ITGA6: variants seen among roughly 807,000 people sequenced by gnomAD.
ITGA6 encodes the protein integrin subunit alpha 6.
A neutral mutation model predicts 133.6 loss-of-function variants in ITGA6; 63 were observed. The observed-to-expected ratio is 0.47, with a 90% confidence interval of 0.38 to 0.58. The LOEUF is 0.58. Ranked by LOEUF, ITGA6 falls within the 20% of genes least tolerant of loss-of-function variation. ITGA6 has a pLI of 0.00. For synonymous variants in ITGA6, 434 were observed against 482.0 expected (o/e 0.90, Z 1.30); for missense variants, 1,068 against 1,309.4 (o/e 0.82, Z 2.85).
intron 11 of ITGA6, chr2:172,481,011 G>A (rs1291863478): frequency 1.3e-5 from 2 of 152,174 alleles, no homozygotes; most frequent in Non-Finnish European, 2.9e-5. Flanking sequence ...GGAATTCCAA[G>A]AAAATCTTTT....
intron 1 of ITGA6, 84 bp downstream of exon 1, chr2:172,428,054 C>T (rs1193159929): frequency 7.0e-7 from 1 of 1,438,204 alleles, no homozygotes; most frequent in Admixed American, 2.3e-5. Context: ...TTCCCGCCGG[C>T]CCCGGGGAGT....
chr2:172,440,671 T>C (rs1246763747), intron 1 of ITGA6, among the ~76,000 whole-genome samples: 1 of 152,228 alleles, frequency 6.6e-6, no homozygotes, highest in Non-Finnish European at 1.5e-5. Context: ...ATTATGTGTT[T>C]TTCCAATCCG....
In ITGA6 at chr2:172,460,601, C is replaced by T. The variant is rs144339869; in HGVS notation, c.183-4938C>T. 2.6e-4 allele frequency among the ~76,000 whole-genome samples: 39 copies of T among 152,186 alleles called. No homozygotes were observed. The East Asian group carries it at 6.5e-3, about 26-fold the overall frequency. ...CAGAATGAAAAGTAAGAGGTTTGTCCGGAGTGTGGGGCTTGGGATGAGTTT... is the reference window on the plus strand; with the variant it reads ...CAGAATGAAAAGTAAGAGGTTTGTCTGGAGTGTGGGGCTTGGGATGAGTTT... On this transcript the variant is annotated intron_variant, in intron 1 of 25. Coordinates refer to ENST00000684293, the MANE Select transcript of ITGA6 (RefSeq NM_000210.4).
rs146325968 is a variant in ITGA6 at position 172,465,406 on chromosome 2, C to G, written c.183-133C>G. 1,371 of 1,066,468 alleles carry G rather than the reference C, an allele frequency of 1.3e-3. 7 individuals carry two copies. In the African/African-American group the frequency reaches 0.019, roughly 15 times the overall value. The allele number at this position is 1,066,468 out of a possible 1,614,324, so 66.1% of individuals were successfully genotyped here. A position where few individuals can be genotyped will look rare whatever the true frequency, so the allele number is the denominator to read the frequency against. The stretch of plus-strand genomic sequence containing the variant: ...ATAGGACTCTACATTTGTTCTCACT[C>G]ACTGCCTAAGCTGTTGAAGAATTAG... On this transcript the variant is annotated intron_variant, in intron 1 of 25. Transcript: ENST00000684293.
chr2:172,484,589 A>C (rs1686585542), intron 11 of ITGA6, among the ~76,000 whole-genome samples, 193 bp from the exon 12 acceptor site: 1 of 152,260 alleles, frequency 6.6e-6, no homozygotes, highest in Non-Finnish European at 1.5e-5. Flanking sequence ...AAACATTGTT[A>C]ACAGCAAAAG....
intron 1 of ITGA6, 141 bp downstream of exon 1, chr2:172,428,111 C>T: frequency 1.3e-6 from 1 of 744,142 alleles, no homozygotes; most frequent in Non-Finnish European, 1.8e-6. Context: ...GCACCCAGCG[C>T]CCAGCGCGCT....
At chr2:172,493,921 T>C (rs1454003601) in intron 23 of ITGA6, among the ~76,000 whole-genome samples, 1 of 152,210 alleles carries the variant, frequency 6.6e-6, no homozygotes, top group African/African-American at 2.4e-5. Flanking sequence ...TTCTTAGAGC[T>C]TGGAGAACTC....
At position 172,432,257 on chromosome 2, in the gene ITGA6, A is replaced by G. The variant is rs564538858; in HGVS notation, c.182+4287A>G. Among the ~76,000 whole-genome samples, 4 of 152,318 alleles carry G rather than the reference A, an allele frequency of 2.6e-5. No homozygotes were observed. The South Asian group carries it at 8.3e-4, about 32-fold the overall frequency. ...CCAGTTTAAAATTTCCCCATCCTAC[A>G]CTAAAGCAATGTCTTTAACTCCTTT... On this transcript the variant is annotated intron_variant, in intron 1 of 25. Coordinates refer to ENST00000684293, the MANE Select transcript of ITGA6 (RefSeq NM_000210.4).
intron 6 of ITGA6, 69 bp downstream of exon 6, chr2:172,474,334 G>A: frequency 1.5e-6 from 2 of 1,358,038 alleles, no homozygotes; most frequent in Admixed American, 1.7e-5. Flanking sequence ...TACGACTGGA[G>A]AAGAGCCGTC....
rs58343482 is a variant in ITGA6 at position 172,428,389 on chromosome 2, C to T, written c.182+419C>T. 874 of 152,684 alleles carry T rather than the reference C, an allele frequency of 5.7e-3. 50 individuals carry two copies. The East Asian group carries it at 0.12, about 22-fold the overall frequency. 9.5% of individuals were successfully genotyped at this position (152,684 alleles called of 1,614,324 possible). A position where few individuals can be genotyped will look rare whatever the true frequency, so the allele number is the denominator to read the frequency against. On this transcript the variant is annotated intron_variant, in intron 1 of 25. Transcript: ENST00000684293. ...TGTGGGTTTGCAGGGAGCGTAGTTC[C>T]AGGATGGTCTAGGCCTTTCCCAAAC...
At chr2:172,450,445 A>G (rs1398534445) in intron 1 of ITGA6, among the ~76,000 whole-genome samples, 1 of 152,230 alleles carries the variant, frequency 6.6e-6, no homozygotes, top group Admixed American at 6.5e-5. Context: ...ACCTTGAAGC[A>G]AAACACAAAT....
intron 1 of ITGA6, among the ~76,000 whole-genome samples, chr2:172,437,240 G>A (rs1684358031): frequency 6.6e-6 from 1 of 152,190 alleles, no homozygotes; most frequent in African/African-American, 2.4e-5. Flanking sequence ...GGATTTCTCT[G>A]GCCTGCAGCC....
intron 1 of ITGA6, among the ~76,000 whole-genome samples, chr2:172,445,892 A>C (rs967094454): frequency 8.5e-5 from 13 of 152,234 alleles, no homozygotes; most frequent in African/African-American, 3.1e-4. Flanking sequence ...CATGCATGCC[A>C]TCTTCTAAGG....
At chr2:172,473,557 T>A (rs1224159377) in intron 5 of ITGA6, among the ~76,000 whole-genome samples, 2 of 152,246 alleles carry the variant, frequency 1.3e-5, no homozygotes, top group Non-Finnish European at 2.9e-5. Context: ...CTTACCAAGC[T>A]TAATTACTTT....
At chr2:172,499,747 T>TG (rs1226691578) in intron 24 of ITGA6, among the ~76,000 whole-genome samples, 9 of 152,300 alleles carry the variant, frequency 5.9e-5, no homozygotes, top group Non-Finnish European at 2.9e-5. Flanking sequence ...GTCATAAGGA[T>TG]GGTCTTTTTC....
chr2:172,433,020 G>C (rs560516886), intron 1 of ITGA6, among the ~76,000 whole-genome samples: 1 of 152,138 alleles, frequency 6.6e-6, no homozygotes, highest in Middle Eastern at 3.2e-3. Context: ...TACCTGCTCC[G>C]GGGGTGAGCC....
chr2:172,445,677 A>T (rs993774348), intron 1 of ITGA6, among the ~76,000 whole-genome samples: 4 of 151,298 alleles, frequency 2.6e-5, no homozygotes, highest in Non-Finnish European at 5.9e-5. Flanking sequence ...GAAAAAAAAA[A>T]GCCTGAAAGA....
chr2:172,458,246 C>CT (rs72218248), intron 1 of ITGA6, among the ~76,000 whole-genome samples: 34,597 of 143,578 alleles, frequency 0.24, 5,465 homozygotes, highest in East Asian at 0.53. Flanking sequence ...ATAATGAATT[C>CT]TTTTTTTTTT....
intron 9 of ITGA6, 69 bp downstream of exon 9, chr2:172,476,582 G>A (rs1686184922): frequency 1.1e-6 from 1 of 944,540 alleles, no homozygotes; most frequent in South Asian, 1.3e-5. Flanking sequence ...TTGACCTTTT[G>A]GACTGAAATT....
Sources: allele counts gnomAD v4.1 joint callset (sites outside exome capture counted in the v4.1 genomes callset), GRCh38; gene constraint gnomAD v4.1.1; transcripts MANE v1.5; gene names NCBI Gene and HGNC (gene_info 2026-07-23, HGNC 2026-07-21).